The following KCNAB2 variants were observed in gnomAD, a reference collection of about 807,000 sequenced individuals.
KCNAB2 encodes the protein potassium voltage-gated channel subfamily A regulatory beta subunit 2, also known as voltage-gated potassium channel subunit beta-2.
In KCNAB2, 29 loss-of-function variants were observed where a neutral mutation model predicts 63.6. The observed-to-expected ratio is 0.46, with a 90% CI of 0.34 to 0.62. KCNAB2 has a LOEUF of 0.62. Ranked by LOEUF, KCNAB2 falls within the 20% of genes least tolerant of loss-of-function variation. KCNAB2 has a pLI of 0.01. For missense variants in KCNAB2, 359 were observed against 563.9 expected (o/e 0.64, Z 3.68); for synonymous variants, 222 against 224.2 (o/e 0.99, Z 0.09).
chr1:6,054,619 A>T (rs1252349569), intron 2 of KCNAB2, among the ~76,000 whole-genome samples: 1 of 152,202 alleles, frequency 6.6e-6, no homozygotes, highest in African/African-American at 2.4e-5. Context: ...GGGAGTGGGC[A>T]AGCGGCTCAA....
Position 6,085,202 on chromosome 1 carries a change from AG to A in KCNAB2, c.382del. 1 of 1,613,890 alleles carries A rather than the reference AG, an allele frequency of 6.2e-7. No homozygotes were observed. Among genetic ancestry groups the A allele is most frequent in the Non-Finnish European group, 8.5e-7 (1 of 1,179,860 alleles). ...ATGAGAGCTCGGTGTCTTGTTTTGC[AG>A]GGCTGAAGTGGTACTGGGAAACATC... On this transcript the variant is annotated splice_acceptor_variant, in intron 5 of 15. Coordinates refer to ENST00000378083, the MANE Select transcript of KCNAB2 (RefSeq NM_001199862.2). LOFTEE classifies it high-confidence loss of function.
chr1:6,087,594 G>T lies in KCNAB2; in HGVS notation c.470+83G>T. 6.9e-7 allele frequency: 1 copy of T among 1,456,462 alleles called. No homozygotes were observed. The highest frequency in any genetic ancestry group is 9.6e-7 in the Non-Finnish European group (1 of 1,039,084). The allele number at this position is 1,456,462 out of a possible 1,614,324, so 90.2% of individuals were successfully genotyped here. ...TCCCCAGAGACCCCTGACCTAGAAG[G>T]CTCCTGGGGTGGCGGGAGGACAGTC... On this transcript the variant is annotated intron_variant, in intron 7 of 15. Transcript: ENST00000378083. This position sits in a 1 kb window ranked among gnomAD's most constrained non-coding sequence, Gnocchi z 6.4.
In KCNAB2 at chr1:6,091,325, CCTGA is replaced by C. The variant is rs1557510648; in HGVS notation, c.646+21_646+24del. On this transcript the variant is annotated intron_variant, in intron 10 of 15. Transcript: ENST00000378083. Reference sequence around the variant, plus strand: ...CATAGAAGGTACACAGTGCCCCCAGCCTGACTATTGACTTCTGTGTCCAAGCTGC... The same window carrying C: ...CATAGAAGGTACACAGTGCCCCCAGCCTATTGACTTCTGTGTCCAAGCTGC... 6.6e-7 allele frequency: 1 copy of C among 1,512,004 alleles called. No individual in the cohort carries two copies. 93.7% of individuals were successfully genotyped at this position (1,512,004 alleles called of 1,614,324 possible). A position where few individuals can be genotyped will look rare whatever the true frequency, so the allele number is the denominator to read the frequency against.
At chr1:6,077,737 G>A (rs559841824) in intron 4 of KCNAB2, among the ~76,000 whole-genome samples, 3 of 152,308 alleles carry the variant, frequency 2.0e-5, no homozygotes, top group African/African-American at 4.8e-5. Context: ...AGGAGCATCC[G>A]GGGCCCCGCC....
At chr1:6,089,751 G>A (rs555069079) in intron 8 of KCNAB2, among the ~76,000 whole-genome samples, 37 of 152,336 alleles carry the variant, frequency 2.4e-4, no homozygotes, top group African/African-American at 8.2e-4. Context: ...AGGCTGGAGT[G>A]CAGCGGCACG....
chr1:6,074,827 G>A lies in KCNAB2; in HGVS notation c.300+1057G>A, dbSNP rs1571034614. Among the ~76,000 whole-genome samples, 1 of 151,904 alleles carries A rather than the reference G, an allele frequency of 6.6e-6. No individual in the cohort carries two copies. Among genetic ancestry groups the A allele is most frequent in the African/African-American group, 2.4e-5 (1 of 41,360 alleles). The stretch of plus-strand genomic sequence containing the variant: ...AAAATTAGCTGGGCGTGGTAGGGGC[G>A]CCTGTAATCCCAGCTACTCAGGAGG... On this transcript the variant is annotated intron_variant, in intron 4 of 15. Coordinates refer to ENST00000378083, the MANE Select transcript of KCNAB2 (RefSeq NM_001199862.2). The surrounding 1 kb of genome is among the most constrained non-coding windows in gnomAD (Gnocchi z 4.9).
At position 6,100,116 on chromosome 1, in the gene KCNAB2, G is replaced by C; in HGVS notation, c.*1542G>C. On this transcript the variant is annotated 3_prime_UTR_variant, in exon 16 of 16. Coordinates refer to ENST00000378083, the MANE Select transcript of KCNAB2 (RefSeq NM_001199862.2). ...CCCTGGAGGAGCCACTATTCCAGAA[G>C]GCTCCACCCTGCCGTCCTGCGGGAG... 1 of 1,437,550 alleles carries C rather than the reference G, an allele frequency of 7.0e-7. No homozygotes were observed. The highest frequency in any genetic ancestry group is 1.4e-5 in the African/African-American group (1 of 69,556). 89.0% of individuals were successfully genotyped at this position (1,437,550 alleles called of 1,614,324 possible). A position where few individuals can be genotyped will look rare whatever the true frequency, so the allele number is the denominator to read the frequency against.
At chr1:6,092,184 G>A (rs1368712349) in intron 10 of KCNAB2, among the ~76,000 whole-genome samples, 2 of 152,258 alleles carry the variant, frequency 1.3e-5, no homozygotes. Flanking sequence ...TGAGGTGAAG[G>A]ACAGTTGTCC....
At position 6,101,103 on chromosome 1, in the gene KCNAB2, C is replaced by T. The variant is rs375496526; in HGVS notation, c.*2529C>T. 6.6e-6 allele frequency: 1 copy of T among 152,208 alleles called. No individual in the cohort carries two copies. The highest frequency in any genetic ancestry group is 1.9e-4 in the East Asian group (1 of 5,186). The allele number at this position is 152,208 out of a possible 1,614,324, so 9.4% of individuals were successfully genotyped here. A position where few individuals can be genotyped will look rare whatever the true frequency, so the allele number is the denominator to read the frequency against. ...CCCAGGCAGAGACTGTCCTATGCCT[C>T]GAGCTTCCAAACGAGACTCAGACCG... On this transcript the variant is annotated 3_prime_UTR_variant, in exon 16 of 16. Coordinates refer to ENST00000378083, the MANE Select transcript of KCNAB2 (RefSeq NM_001199862.2).
At chr1:6,051,268 T>C (rs1158176308) in intron 1 of KCNAB2, among the ~76,000 whole-genome samples, 1 of 152,248 alleles carries the variant, frequency 6.6e-6, no homozygotes, top group Non-Finnish European at 1.5e-5. Flanking sequence ...GTCTCACAGA[T>C]GCAGGGGACA....
intron 2 of KCNAB2, among the ~76,000 whole-genome samples, chr1:6,065,805 A>AC (rs547855557): frequency 8.3e-4 from 126 of 151,156 alleles, no homozygotes; most frequent in African/African-American, 2.7e-3. Flanking sequence ...GAAAATGCGC[A>AC]CCCCCCAACC....
intron 5 of KCNAB2, among the ~76,000 whole-genome samples, chr1:6,083,884 G>GAGCCAAA (rs2100723826): frequency 6.6e-6 from 1 of 152,360 alleles, no homozygotes; most frequent in South Asian, 2.1e-4. Context: ...ATCACAGCCA[G>GAGCCAAA]AGCCACAAGC....
At chr1:6,079,814 T>C (rs1035532493) in intron 4 of KCNAB2, among the ~76,000 whole-genome samples, 2 of 152,228 alleles carry the variant, frequency 1.3e-5, no homozygotes, top group Non-Finnish European at 2.9e-5. Flanking sequence ...ACTATGCGAA[T>C]GTACTTACTG....
Position 6,087,197 on chromosome 1 carries a change from G to A in KCNAB2, c.426-270G>A, listed in dbSNP as rs557059111. ...GCGGAAGGCATCTCCTCCGGACTCCGGTCACACTAGGCCCCCCACTGTCCA... is the reference window on the plus strand; with the variant it reads ...GCGGAAGGCATCTCCTCCGGACTCCAGTCACACTAGGCCCCCCACTGTCCA... On this transcript the variant is annotated intron_variant, in intron 6 of 15. Coordinates refer to ENST00000378083, the MANE Select transcript of KCNAB2 (RefSeq NM_001199862.2). This position sits in a 1 kb window ranked among gnomAD's most constrained non-coding sequence, Gnocchi z 6.4. Among the ~76,000 whole-genome samples the A allele has an allele frequency of 1.6e-4, 25 of 152,114 alleles. No homozygotes were observed. Among genetic ancestry groups the A allele is most frequent in the African/African-American group, 4.1e-4 (17 of 41,512 alleles).
upstream of KCNAB2, among the ~76,000 whole-genome samples, chr1:6,045,000 G>A (rs1306239371): frequency 6.6e-6 from 1 of 152,152 alleles, no homozygotes; most frequent in African/African-American, 2.4e-5. Context: ...CCCCGACCAG[G>A]GCGACATGTG....
Position 6,003,002 on chromosome 1 carries a change from T to C in KCNAB2, c.-53+10214T>C, listed in dbSNP as rs1189062813. 1.3e-5 allele frequency among the ~76,000 whole-genome samples: 2 copies of C among 152,088 alleles called. No individual in the cohort carries two copies. The highest frequency in any genetic ancestry group is 4.8e-5 in the African/African-American group (2 of 41,418). ...TCTCTGTGTCCCGGGTGAGAACAGG[T>C]CCTAGACCTTGTCTCAGGTCACACA... On this transcript the variant is annotated intron_variant, in intron 1 of 16. Coordinates refer to the KCNAB2 transcript ENST00000341524. This position sits in a 1 kb window ranked among gnomAD's most constrained non-coding sequence, Gnocchi z 4.1.
intron 5 of KCNAB2, among the ~76,000 whole-genome samples, chr1:6,082,904 C>T (rs113918755): frequency 0.034 from 5,196 of 152,286 alleles, 117 homozygotes; most frequent in Non-Finnish European, 0.051. Context: ...TCCCGTCAGC[C>T]GGGCAGGCTG....
intron 2 of KCNAB2, among the ~76,000 whole-genome samples, chr1:6,062,327 A>G (rs1252951124): frequency 6.6e-6 from 1 of 152,056 alleles, no homozygotes; most frequent in Non-Finnish European, 1.5e-5. Context: ...AAAAAAAAAA[A>G]GTCCAGTGTC....
Position 6,078,184 on chromosome 1 carries a change from C to T in KCNAB2, c.301-4011C>T, listed in dbSNP as rs113242368. Among the ~76,000 whole-genome samples the T allele has an allele frequency of 1.5e-4, 23 of 152,218 alleles. No individual in the cohort carries two copies. Among genetic ancestry groups the T allele is most frequent in the African/African-American group, 5.3e-4 (22 of 41,454 alleles). On this transcript the variant is annotated intron_variant, in intron 4 of 15. Coordinates refer to ENST00000378083, the MANE Select transcript of KCNAB2 (RefSeq NM_001199862.2). The surrounding 1 kb of genome is among the most constrained non-coding windows in gnomAD (Gnocchi z 4.2). Reference sequence around the variant, plus strand: ...CTGTGCCCGCATCCCCCAGTCTCTGCCCCTGTGGATACTCTCCGTCCTCCT... The same window carrying T: ...CTGTGCCCGCATCCCCCAGTCTCTGTCCCTGTGGATACTCTCCGTCCTCCT...
Sources: gnomAD v4.1 joint callset for allele counts (sites outside exome capture counted in the v4.1 genomes callset) on GRCh38, gnomAD v4.1.1 for gene constraint, Gnocchi (gnomAD v3.1) non-coding constraint, MANE v1.5 for transcripts, NCBI Gene and HGNC (gene_info 2026-07-23, HGNC 2026-07-21) for gene names.